Variants in ZNF76 observed in about 807,000 individuals in gnomAD.
ZNF76 encodes the protein zinc finger protein 76.
ZNF76 carries 66 observed loss-of-function variants against 66.9 expected under a neutral mutation model. The ratio of observed to expected loss-of-function variants is 0.99; its 90% confidence interval spans 0.81 to 1.21. The LOEUF is 1.21. ZNF76 is among the 50% of genes most tolerant of loss of function. ZNF76 has a pLI of 0.00. For synonymous variants in ZNF76, 275 were observed against 296.1 expected, an observed-to-expected ratio of 0.93 and a Z score of 0.73; for missense variants, 729 against 760.3, an observed-to-expected ratio of 0.96 and a Z score of 0.48.
intron 1 of ZNF76, among the ~76,000 whole-genome samples, chr6:35,266,901 C>T (rs954994733): frequency 6.9e-5 from 10 of 145,106 alleles, no homozygotes; most frequent in Non-Finnish European, 1.5e-4. Context: ...CCCGGGTTCA[C>T]GCCATTCTCC....
chr6:35,294,333 A>G (rs1368603008), intron 12 of ZNF76, 123 bp from the exon 13 acceptor site: 1 of 699,622 alleles, frequency 1.4e-6, no homozygotes, highest in Non-Finnish European at 2.5e-6. Context: ...AATCTGACCC[A>G]TACGGTTTTA....
chr6:35,261,245 T>C (rs1785209635), intron 1 of ZNF76, among the ~76,000 whole-genome samples: 1 of 152,238 alleles, frequency 6.6e-6, no homozygotes, highest in Admixed American at 6.5e-5. Flanking sequence ...TGGATCTTAC[T>C]CTGTCCTGAG....
intron 1 of ZNF76, among the ~76,000 whole-genome samples, chr6:35,274,801 T>C (rs536691365): frequency 3.9e-5 from 6 of 152,312 alleles, no homozygotes; most frequent in Admixed American, 3.9e-4. Context: ...CACATCGATA[T>C]ATTGCAAAGG....
chr6:35,291,826 C>T lies in ZNF76; in HGVS notation c.931+89C>T, dbSNP rs762563782. On this transcript the variant is annotated intron_variant, in intron 9 of 13. Coordinates refer to ENST00000373953, the MANE Select transcript of ZNF76 (RefSeq NM_003427.5). ...CCATCTAAGACACATTCCCAACTCC[C>T]AGCCCAGAACCCTTCTGTGCCAGCC... 2.7e-6 allele frequency: 4 copies of T among 1,474,856 alleles called. No individual in the cohort carries two copies. The African/African-American group carries it at 4.2e-5, about 15-fold the overall frequency. 91.4% of individuals were successfully genotyped at this position (1,474,856 alleles called of 1,614,324 possible).
At chr6:35,262,630 A>G (rs1157078206) in intron 1 of ZNF76, among the ~76,000 whole-genome samples, 3 of 151,870 alleles carry the variant, frequency 2.0e-5, no homozygotes, top group Non-Finnish European at 2.9e-5. Context: ...CTTTCATCCT[A>G]TTTTTTAGTC....
intron 1 of ZNF76, among the ~76,000 whole-genome samples, chr6:35,261,118 A>G (rs1342928390): frequency 2.0e-5 from 3 of 152,108 alleles, no homozygotes; most frequent in East Asian, 1.9e-4. Context: ...TTCAGTCTCC[A>G]CCTCTGCGAA....
At chr6:35,262,275 C>T (rs1785367427) in intron 1 of ZNF76, among the ~76,000 whole-genome samples, 1 of 152,008 alleles carries the variant, frequency 6.6e-6, no homozygotes, top group Admixed American at 6.5e-5. Context: ...GGTATTATGA[C>T]CTGCTTCAGG....
chr6:35,288,147 C>T lies in ZNF76; in HGVS notation c.432+302C>T, dbSNP rs909480273. On this transcript the variant is annotated intron_variant, in intron 5 of 13. Coordinates refer to ENST00000373953, the MANE Select transcript of ZNF76 (RefSeq NM_003427.5). ...CATAAGAAACAGTGGCATCCTTATG[C>T]TGAGGAGTTAGGCCCAGCTTCACTT... 1.2e-5 allele frequency: 7 copies of T among 585,582 alleles called. No homozygotes were observed. In the Admixed American group the frequency reaches 1.3e-4, roughly 11 times the overall value. 36.3% of individuals were successfully genotyped at this position (585,582 alleles called of 1,614,324 possible). A position where few individuals can be genotyped will look rare whatever the true frequency, so the allele number is the denominator to read the frequency against.
intron 13 of ZNF76, 49 bp downstream of exon 13, chr6:35,294,618 A>G (rs766071885): frequency 2.3e-6 from 3 of 1,319,218 alleles, no homozygotes; most frequent in African/African-American, 2.9e-5. Context: ...AGAGAAGTCA[A>G]CAAGGAATAA....
chr6:35,281,958 A>AT (rs1255193792), intron 2 of ZNF76, among the ~76,000 whole-genome samples: 1 of 150,636 alleles, frequency 6.6e-6, no homozygotes, highest in African/African-American at 2.4e-5. Context: ...AAAAAAAAAG[A>AT]TACTCTTCCT....
In ZNF76 at chr6:35,291,697, C is replaced by G. The variant is rs150457131; in HGVS notation, c.891C>G (p.Thr297=). 6.2e-7 allele frequency: 1 copy of G among 1,612,726 alleles called. No individual in the cohort carries two copies. The highest frequency in any genetic ancestry group is 8.5e-7 in the Non-Finnish European group (1 of 1,180,002). ...CPEPHCGRGF[T]SATNYKNHVR... ...AGCCCCACTGTGGCCGCGGCTTCAC[C>G]AGCGCCACCAACTATAAGAATCACG... is the stretch of plus-strand genomic sequence containing the variant. Residue 297 remains threonine, a synonymous_variant, in exon 9 of 14, where the codon ACC becomes ACG. Transcript: ENST00000373953.
chr6:35,291,865 C>T, intron 9 of ZNF76, 128 bp downstream of exon 9: 1 of 1,146,810 alleles, frequency 8.7e-7, no homozygotes, highest in Non-Finnish European at 1.2e-6. Context: ...CCAGGCTGGT[C>T]TGGGGGTAGG....
chr6:35,284,268 A>G (rs1789213031), intron 2 of ZNF76, among the ~76,000 whole-genome samples: 1 of 149,690 alleles, frequency 6.7e-6, no homozygotes, highest in Admixed American at 6.7e-5. Flanking sequence ...ATTTTTTTGT[A>G]TTTTTAGTAG....
intron 5 of ZNF76, chr6:35,288,265 C>G (rs114982491): frequency 7.9e-6 from 3 of 380,872 alleles, no homozygotes; most frequent in Middle Eastern, 6.2e-4. Flanking sequence ...GTATTTATTT[C>G]TTCTCTGTGA....
rs1413075996 is a variant in ZNF76 at position 35,295,525 on chromosome 6, ACT to A, written c.*281_*282del. The stretch of plus-strand genomic sequence containing the variant: ...GCCTCTCAAAATCAGCTGGGCGCCC[ACT>A]CTCCTCCTAAAGAACACCCTTCTGG... On this transcript the variant is annotated 3_prime_UTR_variant, in exon 14 of 14. Transcript: ENST00000373953. The A allele has an allele frequency of 4.5e-6, 2 of 447,328 alleles. No individual in the cohort carries two copies. Among genetic ancestry groups the A allele is most frequent in the Non-Finnish European group, 8.4e-6 (2 of 238,550 alleles). 27.7% of individuals were successfully genotyped at this position (447,328 alleles called of 1,614,324 possible). A position where few individuals can be genotyped will look rare whatever the true frequency, so the allele number is the denominator to read the frequency against.
At chr6:35,280,516 T>TACC (rs1788601255) in intron 1 of ZNF76, among the ~76,000 whole-genome samples, 1 of 97,630 alleles carries the variant, frequency 1.0e-5, no homozygotes. Context: ...TCAAGCATGA[T>TACC]CCCCCCCCCC....
rs58456911 is a variant in ZNF76, at chr6:35,272,469, CTGTG to C, written c.-96-8547_-96-8544del. ...TGGGTGACAGAGCAAGACCCTGTTTCTGTGTGTGTGTGTGTGTGTGTGTGTGTGT... is the reference window on the plus strand; with the variant it reads ...TGGGTGACAGAGCAAGACCCTGTTTCTGTGTGTGTGTGTGTGTGTGTGTGT... On this transcript the variant is annotated intron_variant, in intron 1 of 13. Coordinates refer to ENST00000373953, the MANE Select transcript of ZNF76 (RefSeq NM_003427.5). Among the ~76,000 whole-genome samples the C allele has an allele frequency of 3.9e-3, 580 of 149,628 alleles. 3 individuals are homozygous for C. The highest frequency in any genetic ancestry group is 9.1e-3 in the African/African-American group (366 of 40,326).
intron 1 of ZNF76, among the ~76,000 whole-genome samples, chr6:35,267,092 T>TGC (rs1562087453): frequency 2.6e-5 from 4 of 151,064 alleles, no homozygotes; most frequent in African/African-American, 9.7e-5. Context: ...AGCCACTGCA[T>TGC]CCGGCCCCTT....
In ZNF76 at chr6:35,287,782, A is replaced by G. The variant is rs1789785782; in HGVS notation, c.369A>G (p.Ala123=). 1 of 1,613,818 alleles carries G rather than the reference A, an allele frequency of 6.2e-7. No individual in the cohort carries two copies. The highest frequency in any genetic ancestry group is 1.7e-5 in the Admixed American group (1 of 60,000). The part of the protein sequence containing the change: ...VQTEVGLEDL[A]AEDDEGFSAD... Reference sequence around the variant, plus strand: ...CAGAGGTGGGCTTGGAGGACCTGGCAGCAGAGGATGATGAGGGCTTCAGTG... The same window carrying G: ...CAGAGGTGGGCTTGGAGGACCTGGCGGCAGAGGATGATGAGGGCTTCAGTG... Residue 123 remains alanine (A), a synonymous_variant, in exon 5 of 14, where the codon GCA becomes GCG. Transcript: ENST00000373953. This position sits in a 1 kb window ranked among gnomAD's most constrained non-coding sequence, Gnocchi z 4.0.
Sources: allele counts gnomAD v4.1 joint callset (sites outside exome capture counted in the v4.1 genomes callset), GRCh38; gene constraint gnomAD v4.1.1; non-coding constraint Gnocchi (gnomAD v3.1); transcripts MANE v1.5; gene names NCBI Gene and HGNC (gene_info 2026-07-23, HGNC 2026-07-21).